The following CDK8 variants were observed in gnomAD, a reference collection of about 807,000 sequenced individuals.
CDK8 encodes the protein cyclin-dependent kinase 8.
In CDK8, 29 loss-of-function variants were observed where a neutral mutation model predicts 71.5. The observed-to-expected ratio is 0.41, with a 90% CI of 0.30 to 0.55. CDK8 has a LOEUF of 0.55. Ranked by LOEUF, CDK8 falls within the 20% of genes least tolerant of loss-of-function variation. CDK8 has a pLI of 0.37. For synonymous variants in CDK8, 161 were observed against 192.1 expected (o/e 0.84, Z 1.34); for missense variants, 288 against 572.6 (o/e 0.50, Z 5.07).
intron 3 of CDK8, among the ~76,000 whole-genome samples, chr13:26,352,672 T>C (rs1348480783): frequency 1.3e-5 from 2 of 152,210 alleles, no homozygotes; most frequent in East Asian, 1.9e-4. Context: ...TTAAAGTAGA[T>C]TAATGCTGCT....
intron 4 of CDK8, among the ~76,000 whole-genome samples, chr13:26,356,452 C>T (rs562975216): frequency 1.3e-5 from 2 of 152,248 alleles, no homozygotes; most frequent in Non-Finnish European, 1.5e-5. Context: ...TCTTTATAAA[C>T]GTCTGACCCT....
intron 1 of CDK8, among the ~76,000 whole-genome samples, chr13:26,283,105 A>T (rs1223321775): frequency 1.3e-5 from 2 of 152,250 alleles, no homozygotes; most frequent in Non-Finnish European, 2.9e-5. Context: ...ACACAATAAT[A>T]GTGGGGGATT....
rs7319703 is a variant in CDK8, at chr13:26,286,583, C to T, written c.128+31814C>T. On this transcript the variant is annotated intron_variant, in intron 1 of 12. Coordinates refer to ENST00000381527, the MANE Select transcript of CDK8 (RefSeq NM_001260.3). ...TTCTAGAAGATAACATCGGAAAAAC[C>T]CTTCTGGGCATTGGCTCAGATAAGG... Among the ~76,000 whole-genome samples, 1,024 of 152,232 alleles carry T rather than the reference C, an allele frequency of 6.7e-3. 16 individuals are homozygous for T. Among genetic ancestry groups the T allele is most frequent in the African/African-American group, 0.023 (940 of 41,522 alleles).
intron 1 of CDK8, among the ~76,000 whole-genome samples, chr13:26,281,682 A>G (rs1356773082): frequency 2.8e-5 from 3 of 106,486 alleles, no homozygotes; most frequent in Non-Finnish European, 3.4e-5. Flanking sequence ...AAGGTTGATT[A>G]TTAAGCTACT....
intron 4 of CDK8, among the ~76,000 whole-genome samples, chr13:26,372,902 A>G (rs536422655): frequency 6.6e-6 from 1 of 152,160 alleles, no homozygotes; most frequent in Non-Finnish European, 1.5e-5. Context: ...TTTTTTCTGC[A>G]ACTAGACCCT....
chr13:26,265,864 AG>A (rs560219653), intron 1 of CDK8, among the ~76,000 whole-genome samples: 2 of 152,294 alleles, frequency 1.3e-5, no homozygotes, highest in Non-Finnish European at 2.9e-5. Context: ...TTAAGCAGAT[AG>A]TAATAAGTTC....
intron 3 of CDK8, among the ~76,000 whole-genome samples, chr13:26,350,531 G>A (rs986558259): frequency 6.6e-6 from 1 of 152,094 alleles, no homozygotes; most frequent in African/African-American, 2.4e-5. Context: ...GCTGTTCATG[G>A]GGCTGAAGCT....
chr13:26,369,170 G>A (rs539671666), intron 4 of CDK8, among the ~76,000 whole-genome samples: 89 of 152,028 alleles, frequency 5.9e-4, no homozygotes, highest in African/African-American at 1.9e-3. Flanking sequence ...GGCAGCTCAT[G>A]GCTGTAATCC....
chr13:26,332,905 G>A (rs1265664059), intron 1 of CDK8, among the ~76,000 whole-genome samples: 1 of 152,052 alleles, frequency 6.6e-6, no homozygotes, highest in African/African-American at 2.4e-5. Flanking sequence ...CACTATTTGA[G>A]CACCTCTCAT....
At chr13:26,346,630 G>A (rs1480481142) in intron 2 of CDK8, among the ~76,000 whole-genome samples, 1 of 152,142 alleles carries the variant, frequency 6.6e-6, no homozygotes, top group Non-Finnish European at 1.5e-5. Context: ...TTCCCTGTCA[G>A]GTTATTTGTG....
In CDK8 at chr13:26,398,878, C is replaced by T. The variant is rs1368491039; in HGVS notation, c.934-1575C>T. On this transcript the variant is annotated intron_variant, in intron 9 of 12. Coordinates refer to ENST00000381527, the MANE Select transcript of CDK8 (RefSeq NM_001260.3). ...ACTCGGGAGGTTGAGGCAGGAGAATCGCTTGAACCCAGGAGGTGGAGGTTG... is the reference window on the plus strand; with the variant it reads ...ACTCGGGAGGTTGAGGCAGGAGAATTGCTTGAACCCAGGAGGTGGAGGTTG... 3.3e-5 allele frequency among the ~76,000 whole-genome samples: 5 copies of T among 150,890 alleles called. No individual in the cohort carries two copies. In the East Asian group the frequency reaches 6.0e-4, roughly 18 times the overall value.
Position 26,364,609 on chromosome 13 carries a change from A to T in CDK8, c.456+10729A>T, listed in dbSNP as rs1279762205. Among the ~76,000 whole-genome samples, 4 of 152,286 alleles carry T rather than the reference A, an allele frequency of 2.6e-5. No individual in the cohort carries two copies. The South Asian group carries it at 6.2e-4, about 24-fold the overall frequency. Reference sequence around the variant, plus strand: ...TGTTGGAATAGTTTGTAGTTAACATACCTTATTGTTACAATCAGAGGGAAA... The same window carrying T: ...TGTTGGAATAGTTTGTAGTTAACATTCCTTATTGTTACAATCAGAGGGAAA... On this transcript the variant is annotated intron_variant, in intron 4 of 12. Coordinates refer to ENST00000381527, the MANE Select transcript of CDK8 (RefSeq NM_001260.3).
chr13:26,301,688 G>A (rs1301212319), intron 1 of CDK8, among the ~76,000 whole-genome samples: 1 of 152,164 alleles, frequency 6.6e-6, no homozygotes, highest in Non-Finnish European at 1.5e-5. Flanking sequence ...TGAGTTTAAG[G>A]ATAGGATGGG....
At chr13:26,286,134 A>T (rs1216739661) in intron 1 of CDK8, among the ~76,000 whole-genome samples, 1 of 152,208 alleles carries the variant, frequency 6.6e-6, no homozygotes, top group African/African-American at 2.4e-5. Context: ...TACCATCGTC[A>T]TTCCTCACAG....
At chr13:26,384,693 TAA>T (rs112683099) in intron 5 of CDK8, among the ~76,000 whole-genome samples, 2,175 of 152,128 alleles carry the variant, frequency 0.014, 52 homozygotes, top group African/African-American at 0.048. Flanking sequence ...ACCTAGCTTT[TAA>T]AAAAAATACT....
chr13:26,354,901 A>G (rs1030070293), intron 4 of CDK8, among the ~76,000 whole-genome samples: 1 of 152,218 alleles, frequency 6.6e-6, no homozygotes, highest in African/African-American at 2.4e-5. Flanking sequence ...CATTGCTTTT[A>G]TAGTTCTTTT....
chr13:26,384,246 G>GT lies in CDK8; in HGVS notation c.515-954dup, dbSNP rs35004387. ...GTTTTAATTATTTGCCAACTTTTGG[G>GT]TTTTTTTTTTTACCTTTGTAATTAA... is the stretch of plus-strand genomic sequence containing the variant. On this transcript the variant is annotated intron_variant, in intron 5 of 12. Transcript: ENST00000381527. Among the ~76,000 whole-genome samples, 660 of 147,588 alleles carry GT rather than the reference G, an allele frequency of 4.5e-3. 4 individuals are homozygous for GT. The highest frequency in any genetic ancestry group is 0.014 in the African/African-American group (577 of 40,042).
chr13:26,362,741 A>G (rs946340220), intron 4 of CDK8, among the ~76,000 whole-genome samples: 2 of 152,198 alleles, frequency 1.3e-5, no homozygotes, highest in Non-Finnish European at 2.9e-5. Flanking sequence ...TTTGCCAGCT[A>G]TCTGGGTATT....
chr13:26,295,225 A>C (rs947561944), intron 1 of CDK8, among the ~76,000 whole-genome samples: 6 of 152,206 alleles, frequency 3.9e-5, no homozygotes, highest in Admixed American at 6.5e-5. Context: ...ATCTTTGCTT[A>C]TAGGGAGATC....
Sources: allele counts gnomAD v4.1 joint callset (sites outside exome capture counted in the v4.1 genomes callset), GRCh38; gene constraint gnomAD v4.1.1; transcripts MANE v1.5; gene names NCBI Gene and HGNC (gene_info 2026-07-23, HGNC 2026-07-21).